CCDC88C: variants seen among roughly 807,000 people sequenced by gnomAD.
CCDC88C encodes coiled-coil and HOOK domain protein 88C.
A neutral mutation model predicts 198.8 loss-of-function variants in CCDC88C; 131 were observed. That is an observed-to-expected ratio of 0.66 (90% CI 0.57 to 0.76). The LOEUF is 0.76. Ranked by LOEUF, CCDC88C falls within the 30% of genes least tolerant of loss-of-function variation. CCDC88C has a pLI of 0.00. For missense variants in CCDC88C, 2,553 were observed against 2,631.6 expected (o/e 0.97, Z 0.65); for synonymous variants, 1,166 against 1,114.7 (o/e 1.05, Z -0.92).
intron 3 of CCDC88C, among the ~76,000 whole-genome samples, chr14:91,368,337 G>A (rs1344533869): frequency 1.3e-5 from 2 of 152,010 alleles, no homozygotes; most frequent in Non-Finnish European, 2.9e-5. Flanking sequence ...ATTTCAGAGG[G>A]AAAAAAAGCT....
At chr14:91,377,552 C>G (rs151329545) in intron 3 of CCDC88C, among the ~76,000 whole-genome samples, 4 of 152,118 alleles carry the variant, frequency 2.6e-5, no homozygotes, top group South Asian at 2.1e-4. Context: ...ATGGCCCCCC[C>G]CCGGTGCCAC....
At chr14:91,372,101 A>G (rs553999242) in intron 3 of CCDC88C, among the ~76,000 whole-genome samples, 1 of 152,210 alleles carries the variant, frequency 6.6e-6, no homozygotes, top group African/African-American at 2.4e-5. Flanking sequence ...AGGCATCTGG[A>G]GGGCAGGGAG....
At chr14:91,409,708 G>A (rs1425384287) in intron 2 of CCDC88C, among the ~76,000 whole-genome samples, 1 of 150,942 alleles carries the variant, frequency 6.6e-6, no homozygotes, top group Admixed American at 6.6e-5. Flanking sequence ...GGCTGGTCTC[G>A]AACTCTTGAC....
In CCDC88C at chr14:91,272,632, C is replaced by T. The variant is rs1401588470; in HGVS notation, c.6080G>A (p.Cys2027Tyr). The T allele has an allele frequency of 6.2e-7, 1 of 1,609,548 alleles. No homozygotes were observed. The highest frequency in any genetic ancestry group is 8.5e-7 in the Non-Finnish European group (1 of 1,179,472). Residue 2027 changes from cysteine to tyrosine, a missense_variant, in exon 30 of 30, where the codon TGT (cysteine) becomes TAT (tyrosine). Coordinates refer to ENST00000389857, the MANE Select transcript of CCDC88C (RefSeq NM_001080414.4). ...DPQTVWYEYG[C>Y]V ...AGCTCAACCACGAGACAGTCACACA[C>T]AGCCGTACTCATACCACACGGTCTG...
intron 3 of CCDC88C, among the ~76,000 whole-genome samples, chr14:91,366,635 T>C (rs552449251): frequency 3.9e-5 from 6 of 152,192 alleles, no homozygotes; most frequent in Non-Finnish European, 2.9e-5. Flanking sequence ...TTTTAAATAA[T>C]AGCCACAAAA....
intron 4 of CCDC88C, among the ~76,000 whole-genome samples, chr14:91,356,223 G>C (rs1027777290): frequency 1.3e-5 from 2 of 152,186 alleles, no homozygotes; most frequent in East Asian, 1.9e-4. Flanking sequence ...TCCTGCTGGT[G>C]GATGTCCGCT....
intron 4 of CCDC88C, among the ~76,000 whole-genome samples, chr14:91,357,580 C>T (rs942638503): frequency 2.0e-5 from 3 of 152,208 alleles, no homozygotes; most frequent in Non-Finnish European, 4.4e-5. Flanking sequence ...AGTGGCTGTC[C>T]CCTCCTTTTG....
chr14:91,338,040 G>A lies in CCDC88C; in HGVS notation c.1015C>T (p.Leu339=), dbSNP rs765032195. ...ELELTRCKEK[L]HDVDFYKARM... ...GCCTTGTAGAAGTCCACGTCGTGCA[G>A]CTTCTCCTTGCAGCGGGTCAGCTCC... The change falls in exon 10 of 30, where the codon CTG becomes TTG. Residue 339 remains leucine (L), a synonymous_variant. Coordinates refer to ENST00000389857, the MANE Select transcript of CCDC88C (RefSeq NM_001080414.4). The surrounding 1 kb of genome is among the most constrained non-coding windows in gnomAD (Gnocchi z 4.8). 2 of 1,613,168 alleles carry A rather than the reference G, an allele frequency of 1.2e-6. No homozygotes were observed. Among genetic ancestry groups the A allele is most frequent in the African/African-American group, 2.7e-5 (2 of 74,942 alleles).
intron 21 of CCDC88C, 131 bp downstream of exon 21, chr14:91,299,796 G>T (rs1891186605): frequency 2.4e-6 from 3 of 1,234,280 alleles, no homozygotes; most frequent in African/African-American, 1.5e-5. Flanking sequence ...TACCCACCCA[G>T]CTGTTCACAC....
intron 3 of CCDC88C, among the ~76,000 whole-genome samples, chr14:91,362,726 G>A (rs374920264): frequency 6.1e-4 from 93 of 152,180 alleles, no homozygotes; most frequent in African/African-American, 1.9e-3. Flanking sequence ...TCAGGAGATC[G>A]AGACCATCCT....
intron 3 of CCDC88C, among the ~76,000 whole-genome samples, chr14:91,367,113 C>T (rs1489645699): frequency 6.6e-6 from 1 of 152,238 alleles, no homozygotes; most frequent in East Asian, 1.9e-4. Flanking sequence ...GAAACTGAAT[C>T]TCGCAGCTTG....
intron 25 of CCDC88C, 58 bp downstream of exon 25, chr14:91,289,047 G>A (rs1443031828): frequency 1.1e-5 from 15 of 1,420,788 alleles, no homozygotes; most frequent in East Asian, 7.1e-5. Flanking sequence ...CCACCGGTGC[G>A]GGACCCTTCA....
At chr14:91,314,566 G>T (rs1892012660) in intron 14 of CCDC88C, among the ~76,000 whole-genome samples, 1 of 152,288 alleles carries the variant, frequency 6.6e-6, no homozygotes, top group East Asian at 1.9e-4. Context: ...ACTTTCCTCT[G>T]GCTATCAGCC....
At chr14:91,333,697 T>G (rs577821311) in intron 10 of CCDC88C, among the ~76,000 whole-genome samples, 2 of 152,214 alleles carry the variant, frequency 1.3e-5, no homozygotes, top group African/African-American at 4.8e-5. Context: ...GGGGGCAAGA[T>G]GGCCTGGGAG....
At position 91,278,109 on chromosome 14, in the gene CCDC88C, C is replaced by T. The variant is rs1890041933; in HGVS notation, c.4871G>A (p.Gly1624Glu). The T allele has an allele frequency of 1.9e-6, 3 of 1,613,148 alleles. No individual in the cohort carries two copies. Among genetic ancestry groups the T allele is most frequent in the Middle Eastern group, 1.7e-4 (1 of 6,004 alleles). The change falls in exon 29 of 30, where the codon GGA becomes GAA. Residue 1624 changes from glycine (G) to glutamate (E), a missense_variant. Around this residue, in one of 2 missense-constraint regions of CCDC88C, gnomAD observed 1,293 missense variants for 1,219.6 expected, o/e 1.06. Transcript: ENST00000389857. ...CTCGTGGCGGCCGAGGGCGTTGCGT[C>T]CCGGTGTGCTGGCTTCCCGGGGCAA... ...ATLPREASTP[G>E]RNALGRHEYP...
In CCDC88C at chr14:91,324,908, T is replaced by C; in HGVS notation, c.1213A>G (p.Lys405Glu). The C allele has an allele frequency of 1.2e-6, 2 of 1,613,738 alleles. No individual in the cohort carries two copies. Among genetic ancestry groups the C allele is most frequent in the Non-Finnish European group, 1.7e-6 (2 of 1,179,876 alleles). The change falls in exon 12 of 30, where the codon AAG (lysine) becomes GAG (glutamate). Residue 405 changes from lysine (K) to glutamate (E), a missense_variant. This residue lies in a region of CCDC88C where 1,260 missense variants were observed against 1,412.0 expected (regional missense o/e 0.89). Coordinates refer to ENST00000389857, the MANE Select transcript of CCDC88C (RefSeq NM_001080414.4). ...HDLELDRDTD[K>E]KRIEELLEEN... ...TCCAGCAGCTCCTCAATTCGTTTCT[T>C]ATCTGTGTCCCGGTCCTGGGGCAAG...
intron 3 of CCDC88C, among the ~76,000 whole-genome samples, chr14:91,369,996 A>G (rs1894717618): frequency 6.6e-6 from 1 of 152,264 alleles, no homozygotes; most frequent in Non-Finnish European, 1.5e-5. Context: ...GCATTCACAG[A>G]AACAAACATA....
At chr14:91,413,590 C>G (rs746621860) in intron 2 of CCDC88C, among the ~76,000 whole-genome samples, 1 of 152,202 alleles carries the variant, frequency 6.6e-6, no homozygotes, top group Non-Finnish European at 1.5e-5. Context: ...ATTCCCAGGC[C>G]TCTCCATCCA....
At chr14:91,285,705 C>T (rs977004916) in intron 25 of CCDC88C, 17 of 1,288,714 alleles carry the variant, frequency 1.3e-5, no homozygotes, top group East Asian at 5.5e-5. Flanking sequence ...GAGAGAGGCT[C>T]GTTAGGAGAG....
Sources: gnomAD v4.1 joint callset for allele counts (sites outside exome capture counted in the v4.1 genomes callset) on GRCh38, gnomAD v4.1.1 for gene constraint, gnomAD v4.1.1 regional missense constraint, Gnocchi (gnomAD v3.1) non-coding constraint, MANE v1.5 for transcripts, NCBI Gene and HGNC (gene_info 2026-07-23, HGNC 2026-07-21) for gene names.